The following MRPL24 variants were observed in gnomAD, a reference collection of about 807,000 sequenced individuals.
MRPL24 encodes the protein large ribosomal subunit protein uL24m.
MRPL24 carries 15 observed loss-of-function variants against 26.9 expected under a neutral mutation model. The observed-to-expected ratio is 0.56, with a 90% CI of 0.37 to 0.86. The LOEUF is 0.86. Ranked by LOEUF, MRPL24 falls within the 40% of genes least tolerant of loss-of-function variation. MRPL24 has a pLI of 0.00. For missense variants in MRPL24, 241 were observed against 281.4 expected, an observed-to-expected ratio of 0.86 and a Z score of 1.03; for synonymous variants, 92 against 102.4, an observed-to-expected ratio of 0.90 and a Z score of 0.62.
Position 156,737,336 on chromosome 1 carries a change from AAG to A in MRPL24, c.*60_*61del, listed in dbSNP as rs140737064. On this transcript the variant is annotated 3_prime_UTR_variant, in exon 6 of 6. Coordinates refer to ENST00000361531, the MANE Select transcript of MRPL24 (RefSeq NM_145729.3). ...AAGTGCTCTTTATTGGCATCTGAAA[AAG>A]AAGTGCCTCAGCCTTCAAGGCTGGG... The A allele has an allele frequency of 0.077, 117,389 of 1,517,950 alleles. 6,669 individuals carry two copies. Among genetic ancestry groups the A allele is most frequent in the Admixed American group, 0.29 (12,546 of 43,470 alleles). The allele number at this position is 1,517,950 out of a possible 1,614,324, so 94.0% of individuals were successfully genotyped here. A position where few individuals can be genotyped will look rare whatever the true frequency, so the allele number is the denominator to read the frequency against.
In MRPL24 at chr1:156,737,499, C is replaced by T. The variant is rs769818615; in HGVS notation, c.550G>A (p.Glu184Lys). The T allele has an allele frequency of 6.2e-7, 1 of 1,611,286 alleles. No individual in the cohort carries two copies. Among genetic ancestry groups the T allele is most frequent in the Admixed American group, 1.7e-5 (1 of 59,522 alleles). ...TTTAGACAGGGCACATAGGTTCTTT[C>T]TAAAGCATCTTCCACTGATGTGTCT... ...PKDTSVEDAL[E>K]RTYVPCLKTL... Residue 184 changes from glutamate to lysine, a missense_variant, in exon 6 of 6, where the codon GAA becomes AAA. Coordinates refer to ENST00000361531, the MANE Select transcript of MRPL24 (RefSeq NM_145729.3).
upstream of MRPL24, chr1:156,741,556 G>C (rs1480757076): frequency 6.6e-6 from 1 of 152,176 alleles, no homozygotes; most frequent in Admixed American, 6.5e-5. Flanking sequence ...CCCTTCCAAT[G>C]CTAGTAGCCG....
Position 156,738,636 on chromosome 1 carries a change from C to T in MRPL24, c.69G>A (p.Met23Ile). ...TGTCTGCAACAGAGCCTGGGGGGCT[C>T]ATCCCATAGCGGTAATGGGGGGGCA... ...VTLPPHYRYG[M>I]SPPGSVADKR... is the part of the protein sequence containing the mutation. The change falls in exon 2 of 6, where the codon ATG becomes ATA. Residue 23 changes from methionine to isoleucine, a missense_variant. Coordinates refer to ENST00000361531, the MANE Select transcript of MRPL24 (RefSeq NM_145729.3). 6.2e-7 allele frequency: 1 copy of T among 1,608,222 alleles called. No homozygotes were observed. The highest frequency in any genetic ancestry group is 8.5e-7 in the Non-Finnish European group (1 of 1,178,256).
intron 4 of MRPL24, 54 bp from the exon 5 acceptor site, chr1:156,737,830 C>G: frequency 6.2e-7 from 1 of 1,603,668 alleles, no homozygotes. Context: ...CTGCCACCCT[C>G]CAACCCAAAA....
rs1306820227 is a variant in MRPL24 at position 156,737,660 on chromosome 1, G to A, written c.500C>T (p.Pro167Leu). The change falls in exon 5 of 6, where the codon CCT (proline) becomes CTT (leucine). Residue 167 changes from proline (P) to leucine (L), a missense_variant. Pro to Leu is a moderately conservative substitution (Grantham distance 98). Coordinates refer to ENST00000361531, the MANE Select transcript of MRPL24 (RefSeq NM_145729.3). ...PEFPRADGIV[P>L]ETWIDGPKDT... ...CTCACTCTCACCAATCCACGTTTCA[G>A]GGACGATGCCATCAGCTCTGGGAAA... 1.2e-6 allele frequency: 2 copies of A among 1,614,050 alleles called. No homozygotes were observed. The highest frequency in any genetic ancestry group is 2.7e-5 in the African/African-American group (2 of 74,928).
At position 156,737,638 on chromosome 1, in the gene MRPL24, ACT is replaced by A. The variant is rs754585610; in HGVS notation, c.514+6_514+7del. ...CCCACCCCTGACCTTCCTGCCCCTC[ACT>A]CTCACCAATCCACGTTTCAGGGACG... is the stretch of plus-strand genomic sequence containing the variant. On this transcript the variant is annotated splice_donor_region_variant and intron_variant, in intron 5 of 5. Transcript: ENST00000361531. 4.8e-5 allele frequency: 78 copies of A among 1,613,606 alleles called. No homozygotes were observed. The East Asian group carries it at 1.6e-3, about 33-fold the overall frequency.
Position 156,737,416 on chromosome 1 carries a change from C to T in MRPL24, c.633G>A (p.Lys211=), listed in dbSNP as rs1649903781. The part of the protein sequence containing the change: ...AMGIKETRKY[K]KVYWY ...CCCAGGCTCAATACCAATAGACCTTCTTGTATTTCCGGGTCTCCTTGATCC... is the reference window on the plus strand; with the variant it reads ...CCCAGGCTCAATACCAATAGACCTTTTTGTATTTCCGGGTCTCCTTGATCC... Residue 211 remains lysine, a synonymous_variant, in exon 6 of 6, where the codon AAG becomes AAA. Transcript: ENST00000361531. The T allele has an allele frequency of 6.3e-7, 1 of 1,598,330 alleles. No individual in the cohort carries two copies. The highest frequency in any genetic ancestry group is 8.5e-7 in the Non-Finnish European group (1 of 1,173,142).
At chr1:156,740,378 C>A (rs1275232915) in intron 1 of MRPL24, 1 of 151,962 alleles carries the variant, frequency 6.6e-6, no homozygotes, top group African/African-American at 2.4e-5. Context: ...AAAAACCCCA[C>A]CTGTTATTTT....
chr1:156,741,352 C>T (rs1034041052), upstream of MRPL24: 5 of 152,182 alleles, frequency 3.3e-5, no homozygotes, highest in East Asian at 1.9e-4. Flanking sequence ...TGCGTGGAGG[C>T]CGCTGGGAAT....
chr1:156,741,615 C>G (rs1336465182), upstream of MRPL24: 2 of 152,138 alleles, frequency 1.3e-5, no homozygotes, highest in Non-Finnish European at 1.5e-5. Context: ...ATGATCTAAA[C>G]CAGTCATTCC....
chr1:156,737,967 C>A, intron 4 of MRPL24, 64 bp downstream of exon 4: 1 of 1,525,968 alleles, frequency 6.6e-7, no homozygotes, highest in Non-Finnish European at 9.0e-7. Context: ...CCACCATTCC[C>A]ATTGGACAGC....
At chr1:156,740,380 T>G (rs946033101) in intron 1 of MRPL24, 6 of 152,108 alleles carry the variant, frequency 3.9e-5, no homozygotes, top group African/African-American at 1.4e-4. Context: ...AAACCCCACC[T>G]GTTATTTTCA....
intron 1 of MRPL24, among the ~76,000 whole-genome samples, chr1:156,739,602 C>G (rs551647780): frequency 6.6e-6 from 1 of 152,174 alleles, no homozygotes; most frequent in Admixed American, 6.5e-5. Flanking sequence ...AGTCAGACCA[C>G]CTGGGTTCTA....
At chr1:156,740,621 C>A (rs1318732958) in intron 1 of MRPL24, 1 of 152,204 alleles carries the variant, frequency 6.6e-6, no homozygotes, top group Non-Finnish European at 1.5e-5. Flanking sequence ...TGACTAGGAG[C>A]AGGGCCAATC....
chr1:156,739,037 A>G (rs897139818), intron 1 of MRPL24, among the ~76,000 whole-genome samples: 6 of 152,276 alleles, frequency 3.9e-5, no homozygotes, highest in African/African-American at 1.2e-4. Flanking sequence ...TCTTGAATCC[A>G]GAGCTTGGCC....
upstream of MRPL24, among the ~76,000 whole-genome samples, chr1:156,741,771 T>C (rs1650130644): frequency 6.6e-6 from 1 of 152,192 alleles, no homozygotes; most frequent in African/African-American, 2.4e-5. Context: ...TGGGGTCAAA[T>C]TGTTTATACA....
chr1:156,741,357 G>A (rs1650101163), upstream of MRPL24: 1 of 152,202 alleles, frequency 6.6e-6, no homozygotes, highest in Non-Finnish European at 1.5e-5. Flanking sequence ...GGAGGCCGCT[G>A]GGAATTGTAG....
intron 4 of MRPL24, 87 bp from the exon 5 acceptor site, chr1:156,737,863 G>A (rs1649931141): frequency 6.4e-7 from 1 of 1,559,350 alleles, no homozygotes; most frequent in Non-Finnish European, 8.7e-7. Context: ...CAAAACACAA[G>A]GGTTACCACC....
chr1:156,737,876 GT>G, intron 4 of MRPL24, 100 bp from the exon 5 acceptor site: 1 of 1,524,124 alleles, frequency 6.6e-7, no homozygotes, highest in Non-Finnish European at 8.9e-7. Context: ...TTACCACCGC[GT>G]TTCTCCACCT....
Sources: allele counts gnomAD v4.1 joint callset (sites outside exome capture counted in the v4.1 genomes callset), GRCh38; gene constraint gnomAD v4.1.1; transcripts MANE v1.5; gene names NCBI Gene and HGNC (gene_info 2026-07-23, HGNC 2026-07-21).